The following FERMT1 variants were observed in gnomAD, a reference collection of about 807,000 sequenced individuals.
The protein encoded by FERMT1 is FERM domain containing kindlin 1, also known as fermitin family homolog 1.
Under a neutral mutation model 85.3 loss-of-function variants are expected in FERMT1, and 60 were observed. That is an observed-to-expected ratio of 0.70 (90% CI 0.57 to 0.87). FERMT1 has a LOEUF of 0.87. FERMT1 is among the 40% of genes least tolerant of loss of function. The pLI is 0.00. For synonymous variants in FERMT1, 275 were observed against 301.1 expected (o/e 0.91, Z 0.90); for missense variants, 701 against 818.9 (o/e 0.86, Z 1.76).
At chr20:6,101,819 A>T (rs2123125928) in intron 6 of FERMT1, among the ~76,000 whole-genome samples, 1 of 151,436 alleles carries the variant, frequency 6.6e-6, no homozygotes, top group African/African-American at 2.4e-5. Context: ...TGCTCCGCTA[A>T]TTTTTTTTGT....
chr20:6,077,784 G>T (rs142942621), intron 14 of FERMT1, among the ~76,000 whole-genome samples: 1 of 151,978 alleles, frequency 6.6e-6, no homozygotes, highest in Non-Finnish European at 1.5e-5. Context: ...AGGTTCAAGC[G>T]ATTCTCATGC....
chr20:6,107,199 CAAAAA>C (rs59180891), intron 6 of FERMT1, among the ~76,000 whole-genome samples: 2 of 92,644 alleles, frequency 2.2e-5, no homozygotes, highest in African/African-American at 4.1e-5. Flanking sequence ...CTGTCTCAAC[CAAAAA>C]AAAAAAAAAA....
At chr20:6,111,706 A>G (rs114198045) in intron 4 of FERMT1, among the ~76,000 whole-genome samples, 15,837 of 152,094 alleles carry the variant, frequency 0.1, 877 homozygotes, top group African/African-American at 0.14. Flanking sequence ...TAGAGATTTG[A>G]TTGTTTTGAT....
At chr20:6,085,836 A>G (rs1982166169) in intron 11 of FERMT1, among the ~76,000 whole-genome samples, 1 of 145,632 alleles carries the variant, frequency 6.9e-6, no homozygotes, top group South Asian at 2.2e-4. Context: ...GCGACAGAAC[A>G]ATACTTTGTC....
rs1454041321 is a variant in FERMT1 at position 6,096,908 on chromosome 20, G to T, written c.1083C>A (p.Ser361Arg). ...EVTLEGGKAD[S>R]LLEDITDIPK... ...GATCAGAAAAAGTTCATACCAAAAGGCTGTCCGCTTTTCCACCTTCTAGGG... is the reference window on the plus strand; with the variant it reads ...GATCAGAAAAAGTTCATACCAAAAGTCTGTCCGCTTTTCCACCTTCTAGGG... The change falls in exon 8 of 15, where the codon AGC (serine) becomes AGA (arginine). Residue 361 changes from serine (S) to arginine (R), a missense_variant. Ser to Arg is a moderately radical substitution (Grantham distance 110). Transcript: ENST00000217289. The T allele has an allele frequency of 4.3e-6, 7 of 1,612,178 alleles. No homozygotes were observed. The South Asian group carries it at 7.7e-5, about 18-fold the overall frequency.
At chr20:6,088,752 T>C (rs1468727657) in intron 10 of FERMT1, among the ~76,000 whole-genome samples, 1 of 151,358 alleles carries the variant, frequency 6.6e-6, no homozygotes, top group Non-Finnish European at 1.5e-5. Flanking sequence ...GCCTCCCAAG[T>C]AGCTGGGACT....
chr20:6,105,844 A>T (rs1017740342), intron 6 of FERMT1, among the ~76,000 whole-genome samples: 1 of 152,216 alleles, frequency 6.6e-6, no homozygotes, highest in African/African-American at 2.4e-5. Flanking sequence ...CAAATTACTG[A>T]CTTAGTAACT....
chr20:6,084,219 A>G, intron 12 of FERMT1, 55 bp from the exon 13 acceptor site: 2 of 1,566,246 alleles, frequency 1.3e-6, no homozygotes, highest in Non-Finnish European at 8.7e-7. Flanking sequence ...CTCTGTGATC[A>G]CCCTGTTAGC....
At chr20:6,083,638 G>A (rs1256426736) in intron 13 of FERMT1, among the ~76,000 whole-genome samples, 1 of 145,824 alleles carries the variant, frequency 6.9e-6, no homozygotes, top group Non-Finnish European at 1.5e-5. Flanking sequence ...AGACCAGCCT[G>A]GGCGGCAAAA....
chr20:6,090,464 A>C (rs1209496134), intron 9 of FERMT1, among the ~76,000 whole-genome samples: 1 of 143,398 alleles, frequency 7.0e-6, no homozygotes, highest in African/African-American at 2.6e-5. Flanking sequence ...GTTGCACATT[A>C]AAAAAAAAAA....
At chr20:6,099,199 T>C (rs1225460411) in intron 6 of FERMT1, among the ~76,000 whole-genome samples, 1 of 152,044 alleles carries the variant, frequency 6.6e-6, no homozygotes, top group Non-Finnish European at 1.5e-5. Context: ...GGTCAGGAGT[T>C]TGAGACACGC....
Position 6,076,471 on chromosome 20 carries a change from TG to T in FERMT1, c.*701del, listed in dbSNP as rs1209047302. The T allele has an allele frequency of 9.7e-6, 5 of 517,706 alleles. No homozygotes were observed. The highest frequency in any genetic ancestry group is 3.9e-5 in the Admixed American group (2 of 51,464). The allele number at this position is 517,706 out of a possible 1,614,324, so 32.1% of individuals were successfully genotyped here. On this transcript the variant is annotated 3_prime_UTR_variant, in exon 15 of 15. Coordinates refer to ENST00000217289, the MANE Select transcript of FERMT1 (RefSeq NM_017671.5). ...GGCTGAGAGATCTGTAGGAATGGAA[TG>T]GGGCTTGCAGGTGGCCCCAGAAATC...
At chr20:6,077,690 T>A (rs1981869182) in intron 14 of FERMT1, among the ~76,000 whole-genome samples, 1 of 151,274 alleles carries the variant, frequency 6.6e-6, no homozygotes, top group African/African-American at 2.4e-5. Flanking sequence ...TTATTTTTAT[T>A]TTTTTTTTGA....
rs1982541097 is a variant in FERMT1 at position 6,097,538 on chromosome 20, A to G, written c.943T>C (p.Phe315Leu). The change falls in exon 7 of 15, where the codon TTT (phenylalanine) becomes CTT (leucine). Residue 315 changes from phenylalanine (F) to leucine (L), a missense_variant. Physicochemically the swap from Phe to Leu is conservative, Grantham distance 22. Transcript: ENST00000217289. ...AGTTCCCATACCTGTAGAGCTGCAA[A>G]GATCAACATTTCTTCCTCTGTGCAA... ...IDCTEEEMLI[F>L]AALQYHISKL... 1.9e-6 allele frequency: 3 copies of G among 1,613,130 alleles called. No homozygotes were observed. In the East Asian group the frequency reaches 6.7e-5, roughly 36 times the overall value.
intron 4 of FERMT1, 59 bp downstream of exon 4, chr20:6,112,418 A>T: frequency 6.5e-7 from 1 of 1,548,810 alleles, no homozygotes. Flanking sequence ...GGAGAGATAT[A>T]TTTCTCTCTT....
chr20:6,122,004 A>G (rs989286898), intron 1 of FERMT1, among the ~76,000 whole-genome samples: 2 of 152,258 alleles, frequency 1.3e-5, no homozygotes, highest in Non-Finnish European at 2.9e-5. Context: ...ATAATTGTGA[A>G]GTCTAGTTAT....
chr20:6,118,307 A>G (rs1000093533), intron 2 of FERMT1, among the ~76,000 whole-genome samples: 3 of 151,720 alleles, frequency 2.0e-5, no homozygotes, highest in Admixed American at 6.6e-5. Context: ...TTATAATCTC[A>G]TTTGTATAAA....
At position 6,076,410 on chromosome 20, in the gene FERMT1, CTG is replaced by C. The variant is rs762424632; in HGVS notation, c.*761_*762del. 1.4e-5 allele frequency: 7 copies of C among 516,338 alleles called. No homozygotes were observed. Among genetic ancestry groups the C allele is most frequent in the African/African-American group, 1.3e-4 (7 of 51,922 alleles). The allele number at this position is 516,338 out of a possible 1,614,324, so 32.0% of individuals were successfully genotyped here. A position where few individuals can be genotyped will look rare whatever the true frequency, so the allele number is the denominator to read the frequency against. ...TTGAGAAATGGGTTTTCCTGTCCCC[CTG>C]TGTCACCCACATCTTCACAAAGGAC... On this transcript the variant is annotated 3_prime_UTR_variant, in exon 15 of 15. Coordinates refer to ENST00000217289, the MANE Select transcript of FERMT1 (RefSeq NM_017671.5).
intron 1 of FERMT1, among the ~76,000 whole-genome samples, chr20:6,120,185 A>T (rs947046685): frequency 6.6e-6 from 1 of 152,144 alleles, no homozygotes; most frequent in African/African-American, 2.4e-5. Context: ...AAGCAAAATA[A>T]TTCCTATTTC....
Sources: allele counts gnomAD v4.1 joint callset (sites outside exome capture counted in the v4.1 genomes callset), GRCh38; gene constraint gnomAD v4.1.1; transcripts MANE v1.5; gene names NCBI Gene and HGNC (gene_info 2026-07-23, HGNC 2026-07-21).